Variants in CNTNAP2 observed in about 807,000 individuals in gnomAD.
CNTNAP2 encodes the protein contactin associated protein 2, also known as contactin-associated protein-like 2.
A neutral mutation model predicts 155.2 loss-of-function variants in CNTNAP2; 98 were observed. The ratio of observed to expected loss-of-function variants is 0.63; its 90% CI spans 0.54 to 0.75. CNTNAP2 has a LOEUF of 0.75. CNTNAP2 is among the 30% of genes least tolerant of loss of function. The pLI, the probability that CNTNAP2 is intolerant of heterozygous loss-of-function variation, is 0.00. For missense variants in CNTNAP2, 1,727 were observed against 1,688.1 expected, an observed-to-expected ratio of 1.02 and a Z score of -0.40; for synonymous variants, 651 against 631.2, an observed-to-expected ratio of 1.03 and a Z score of -0.47.
At chr7:148,013,107 C>T (rs1802109916) in intron 15 of CNTNAP2, 2 of 152,146 alleles carry the variant, frequency 1.3e-5, no homozygotes, top group Non-Finnish European at 2.9e-5. Context: ...AGATGTGGTT[C>T]AGGAGAAGCT....
At chr7:147,026,590 C>CT (rs998499090) in intron 3 of CNTNAP2, among the ~76,000 whole-genome samples, 62 of 145,244 alleles carry the variant, frequency 4.3e-4, no homozygotes, top group South Asian at 6.6e-4. Context: ...CTTGGAATGT[C>CT]TTTTTTTTTT....
chr7:146,993,489 T>C (rs1158107436), intron 3 of CNTNAP2, among the ~76,000 whole-genome samples: 1 of 152,168 alleles, frequency 6.6e-6, no homozygotes, highest in Non-Finnish European at 1.5e-5. Context: ...TTCAGGTTTT[T>C]TTTCTATCTA....
intron 8 of CNTNAP2, among the ~76,000 whole-genome samples, chr7:147,226,316 C>T (rs1803542334): frequency 3.3e-5 from 5 of 152,156 alleles, no homozygotes; most frequent in African/African-American, 1.2e-4. Flanking sequence ...AAACCTTCTA[C>T]TGCTTGCTCT....
At chr7:147,469,813 C>T (rs776491871) in intron 10 of CNTNAP2, among the ~76,000 whole-genome samples, 6 of 151,996 alleles carry the variant, frequency 3.9e-5, no homozygotes, top group Non-Finnish European at 5.9e-5. Flanking sequence ...CCACTGAGCC[C>T]GGCCCAGGCT....
intron 21 of CNTNAP2, among the ~76,000 whole-genome samples, chr7:148,288,306 G>A (rs1356152807): frequency 1.3e-5 from 2 of 151,238 alleles, no homozygotes; most frequent in African/African-American, 4.9e-5. Context: ...TCACTATGTT[G>A]GCCAAGCTGG....
chr7:147,240,560 C>T (rs1654756511), intron 8 of CNTNAP2, among the ~76,000 whole-genome samples: 1 of 152,202 alleles, frequency 6.6e-6, no homozygotes, highest in African/African-American at 2.4e-5. Context: ...TTTCACATTA[C>T]CTACGTTTGA....
intron 14 of CNTNAP2, among the ~76,000 whole-genome samples, chr7:147,952,836 T>A (rs1252306937): frequency 6.6e-6 from 1 of 152,232 alleles, no homozygotes; most frequent in Non-Finnish European, 1.5e-5. Flanking sequence ...TTATTTTTTT[T>A]AATGCTGCTC....
intron 12 of CNTNAP2, among the ~76,000 whole-genome samples, chr7:147,599,481 C>CAAA (rs55752288): frequency 1.1e-5 from 1 of 94,808 alleles, no homozygotes; most frequent in South Asian, 3.9e-4. Context: ...AACTCTGTCT[C>CAAA]AAAAAAAAAA....
chr7:146,817,067 C>T (rs534883288), intron 2 of CNTNAP2, among the ~76,000 whole-genome samples: 3 of 152,136 alleles, frequency 2.0e-5, no homozygotes, highest in East Asian at 1.9e-4. Context: ...AGTTGATGGA[C>T]GACCAGGATA....
At chr7:148,301,306 A>AAAAAAATATATATATATATATAT in intron 21 of CNTNAP2, among the ~76,000 whole-genome samples, 2 of 103,870 alleles carry the variant, frequency 1.9e-5, no homozygotes, top group African/African-American at 3.8e-5. Flanking sequence ...AAAAAAAAAA[A>AAAAAAATATATATATATATATAT]ATATATATAT....
chr7:147,550,903 G>A (rs1277952457), intron 11 of CNTNAP2, among the ~76,000 whole-genome samples: 3 of 152,158 alleles, frequency 2.0e-5, no homozygotes, highest in Non-Finnish European at 4.4e-5. Context: ...AAACCACAAT[G>A]CTGTAAGAAA....
intron 1 of CNTNAP2, among the ~76,000 whole-genome samples, chr7:146,422,359 G>GTATGTATATATA (rs1554431182): frequency 3.4e-5 from 5 of 148,118 alleles, no homozygotes; most frequent in African/African-American, 1.2e-4. Context: ...GTATATATAT[G>GTATGTATATATA]TATATATATA....
intron 3 of CNTNAP2, among the ~76,000 whole-genome samples, chr7:146,987,738 T>C (rs1798138976): frequency 6.6e-6 from 1 of 152,234 alleles, no homozygotes; most frequent in Non-Finnish European, 1.5e-5. Flanking sequence ...TGTATATATA[T>C]TCATAGAAAG....
At chr7:148,141,910 C>A (rs994299714) in intron 16 of CNTNAP2, among the ~76,000 whole-genome samples, 4 of 151,926 alleles carry the variant, frequency 2.6e-5, no homozygotes, top group Admixed American at 1.3e-4. Context: ...AGGAGAAAGT[C>A]CTATGTGGTG....
At chr7:146,933,976 C>A (rs1356559230) in intron 3 of CNTNAP2, among the ~76,000 whole-genome samples, 3 of 152,116 alleles carry the variant, frequency 2.0e-5, no homozygotes, top group African/African-American at 4.8e-5. Context: ...AATAGGAACA[C>A]TTTTACACTG....
chr7:146,480,619 T>A (rs1252581493), intron 1 of CNTNAP2, among the ~76,000 whole-genome samples: 1 of 151,180 alleles, frequency 6.6e-6, no homozygotes, highest in South Asian at 2.1e-4. Flanking sequence ...GTTTCACAGT[T>A]TGTGAGTGTG....
At chr7:148,253,395 T>A (rs1279162975) in intron 20 of CNTNAP2, among the ~76,000 whole-genome samples, 1 of 152,218 alleles carries the variant, frequency 6.6e-6, no homozygotes. Context: ...TTACATATTT[T>A]AGAATTAGGG....
intron 16 of CNTNAP2, among the ~76,000 whole-genome samples, chr7:148,125,529 C>A (rs1433295649): frequency 6.6e-6 from 1 of 151,970 alleles, no homozygotes; most frequent in African/African-American, 2.4e-5. Context: ...GGATAATGGT[C>A]CCCAGCTTCA....
intron 1 of CNTNAP2, among the ~76,000 whole-genome samples, chr7:146,515,284 A>T (rs1371693249): frequency 1.3e-5 from 2 of 152,096 alleles, no homozygotes; most frequent in African/African-American, 4.8e-5. Flanking sequence ...CTGCAGAGGA[A>T]TCCAAGATAA....
Sources: gnomAD v4.1 joint callset for allele counts (sites outside exome capture counted in the v4.1 genomes callset) on GRCh38, gnomAD v4.1.1 for gene constraint, MANE v1.5 for transcripts, NCBI Gene and HGNC (gene_info 2026-07-23, HGNC 2026-07-21) for gene names.